Variants in DLG2 observed in about 807,000 individuals in gnomAD.
DLG2 encodes the protein disks large homolog 2.
Under a neutral mutation model 132.5 loss-of-function variants are expected in DLG2, and 45 were observed. That is an observed-to-expected ratio of 0.34 (90% CI 0.27 to 0.44). The LOEUF is 0.44. Among genes scored for constraint, DLG2 ranks in the 20% least tolerant of loss-of-function variants. The pLI is 1.00. For missense variants in DLG2, 1,045 were observed against 1,196.9 expected (o/e 0.87, Z 1.87); for synonymous variants, 424 against 419.6 (o/e 1.01, Z -0.13).
intron 3 of DLG2, among the ~76,000 whole-genome samples, chr11:85,404,225 T>C (rs762674521): frequency 1.3e-5 from 2 of 151,934 alleles, no homozygotes; most frequent in Non-Finnish European, 2.9e-5. Flanking sequence ...TCTGGCATCA[T>C]TGGCATATAT....
At chr11:85,608,705 A>T (rs189758100) in intron 2 of DLG2, among the ~76,000 whole-genome samples, 64 of 152,118 alleles carry the variant, frequency 4.2e-4, no homozygotes, top group African/African-American at 1.5e-3. Flanking sequence ...GGGGGTGGGG[A>T]ATTTGGCCCC....
intron 6 of DLG2, among the ~76,000 whole-genome samples, chr11:84,793,979 T>A (rs1413925996): frequency 6.6e-6 from 1 of 152,232 alleles, no homozygotes; most frequent in African/African-American, 2.4e-5. Flanking sequence ...CTTCTTTCTT[T>A]CCTTCATTTC....
intron 14 of DLG2, among the ~76,000 whole-genome samples, chr11:83,949,428 T>C (rs1591656307): frequency 6.6e-6 from 1 of 151,728 alleles, no homozygotes; most frequent in Admixed American, 6.6e-5. Context: ...TTGTTGCTCC[T>C]ATGAGGATGG....
At chr11:84,324,661 T>C (rs1052905438) in intron 7 of DLG2, among the ~76,000 whole-genome samples, 1 of 152,152 alleles carries the variant, frequency 6.6e-6, no homozygotes. Context: ...TATCTTTCAA[T>C]CCATGCACAT....
intron 3 of DLG2, among the ~76,000 whole-genome samples, chr11:85,427,866 T>A (rs1016477014): frequency 2.0e-4 from 31 of 152,226 alleles, no homozygotes; most frequent in Non-Finnish European, 3.4e-4. Flanking sequence ...ATCAGTGTGC[T>A]GTATTCAGGA....
At chr11:83,857,817 CTTT>C (rs34112412) in intron 16 of DLG2, among the ~76,000 whole-genome samples, 8 of 145,408 alleles carry the variant, frequency 5.5e-5, no homozygotes, top group African/African-American at 1.8e-4. Flanking sequence ...ATTTTCTGCT[CTTT>C]TTTTTTTTTT....
intron 15 of DLG2, among the ~76,000 whole-genome samples, chr11:83,886,625 C>A (rs1355780672): frequency 2.0e-5 from 3 of 151,668 alleles, no homozygotes; most frequent in African/African-American, 7.3e-5. Flanking sequence ...AACTCTCCAC[C>A]CCAAATCAAC....
chr11:85,561,883 C>T (rs1214183753), intron 3 of DLG2, among the ~76,000 whole-genome samples: 1 of 151,786 alleles, frequency 6.6e-6, no homozygotes, highest in Non-Finnish European at 1.5e-5. Context: ...TTTAAAATCG[C>T]ATTTAATCCT....
Position 83,679,264 on chromosome 11 carries a change from G to C in DLG2, c.1826-45939C>G, listed in dbSNP as rs146839939. Among the ~76,000 whole-genome samples, 1,076 of 152,276 alleles carry C rather than the reference G, an allele frequency of 7.1e-3. 10 individuals are homozygous for C. Among genetic ancestry groups the C allele is most frequent in the African/African-American group, 0.024 (1,007 of 41,552 alleles). ...AGTGAGGAGGATTAAATGAGAAAATGCTTGTCAAACCATTAGCACAGTGCC... is the reference window on the plus strand; with the variant it reads ...AGTGAGGAGGATTAAATGAGAAAATCCTTGTCAAACCATTAGCACAGTGCC... On this transcript the variant is annotated intron_variant, in intron 18 of 27. Coordinates refer to ENST00000376104, the MANE Select transcript of DLG2 (RefSeq NM_001142699.3).
intron 6 of DLG2, among the ~76,000 whole-genome samples, chr11:84,678,784 G>A (rs987303319): frequency 2.0e-5 from 3 of 151,994 alleles, no homozygotes; most frequent in Non-Finnish European, 4.4e-5. Flanking sequence ...TTTTGAACTA[G>A]AAATGAACAG....
At chr11:84,940,037 T>C (rs1373365523) in intron 6 of DLG2, among the ~76,000 whole-genome samples, 2 of 152,242 alleles carry the variant, frequency 1.3e-5, no homozygotes, top group Non-Finnish European at 2.9e-5. Flanking sequence ...CATGTATTTC[T>C]GCCAACAGTA....
chr11:85,132,509 C>T (rs1387831965), intron 5 of DLG2, among the ~76,000 whole-genome samples: 2 of 149,684 alleles, frequency 1.3e-5, no homozygotes, highest in African/African-American at 5.0e-5. Context: ...CAAATCCTGC[C>T]ATAAAAAAAA....
chr11:85,412,779 ATATAT>A (rs1386957077), intron 3 of DLG2, among the ~76,000 whole-genome samples: 1 of 149,482 alleles, frequency 6.7e-6, no homozygotes, highest in East Asian at 2.0e-4. Flanking sequence ...ATATATATAT[ATATAT>A]ATCACAGTTT....
chr11:84,482,228 A>T (rs1353628180), intron 7 of DLG2, among the ~76,000 whole-genome samples: 2 of 152,238 alleles, frequency 1.3e-5, no homozygotes, highest in Non-Finnish European at 1.5e-5. Context: ...GAATAAATGC[A>T]TAGGTAACCC....
At chr11:85,443,983 T>G (rs2091899733) in intron 3 of DLG2, among the ~76,000 whole-genome samples, 1 of 152,232 alleles carries the variant, frequency 6.6e-6, no homozygotes, top group Non-Finnish European at 1.5e-5. Flanking sequence ...CTCTATTTTG[T>G]TTTTACCATT....
chr11:85,087,844 C>CAAAAAAA (rs71465019), intron 6 of DLG2, among the ~76,000 whole-genome samples: 8 of 22,048 alleles, frequency 3.6e-4, no homozygotes, highest in Non-Finnish European at 4.5e-4. Context: ...GACTCCGTCT[C>CAAAAAAA]AAAAAAAAAA....
At chr11:84,116,301 C>T (rs1373655888) in intron 9 of DLG2, among the ~76,000 whole-genome samples, 2 of 152,144 alleles carry the variant, frequency 1.3e-5, no homozygotes, top group African/African-American at 4.8e-5. Context: ...ATAAAAGGTA[C>T]TCAATAAAAA....
At chr11:84,443,018 G>A (rs960200033) in intron 7 of DLG2, among the ~76,000 whole-genome samples, 3 of 152,070 alleles carry the variant, frequency 2.0e-5, no homozygotes, top group Non-Finnish European at 4.4e-5. Flanking sequence ...TTTCTGCACC[G>A]AAGAAATACC....
At chr11:84,104,039 A>C (rs1323679538) in intron 9 of DLG2, among the ~76,000 whole-genome samples, 3 of 152,110 alleles carry the variant, frequency 2.0e-5, no homozygotes, top group African/African-American at 7.2e-5. Context: ...TTCTAGTGTT[A>C]AAAAAACACA....
Sources: gnomAD v4.1 joint callset for allele counts (sites outside exome capture counted in the v4.1 genomes callset) on GRCh38, gnomAD v4.1.1 for gene constraint, MANE v1.5 for transcripts, NCBI Gene and HGNC (gene_info 2026-07-23, HGNC 2026-07-21) for gene names.